TUBGCP3: variants seen among roughly 807,000 people sequenced by gnomAD.
TUBGCP3 encodes gamma-tubulin complex component 3.
In TUBGCP3, 50 loss-of-function variants were observed where a neutral mutation model predicts 123.1. That is an observed-to-expected ratio of 0.41 (90% CI 0.32 to 0.51). TUBGCP3 has a LOEUF of 0.51. Ranked by LOEUF, TUBGCP3 falls within the 20% of genes least tolerant of loss-of-function variation. TUBGCP3 has a pLI of 0.36. For synonymous variants in TUBGCP3, 405 were observed against 413.9 expected, an observed-to-expected ratio of 0.98 and a Z score of 0.26; for missense variants, 882 against 1,127.0, an observed-to-expected ratio of 0.78 and a Z score of 3.11.
intron 1 of TUBGCP3, 122 bp from the exon 2 acceptor site, chr13:112,569,381 A>C (rs1039527333): frequency 2.7e-6 from 2 of 738,628 alleles, no homozygotes; most frequent in African/African-American, 3.5e-5. Flanking sequence ...CCAAGGTCTT[A>C]ACTGAGAGGA....
In TUBGCP3 at chr13:112,511,018, C is replaced by T. The variant is rs1042394504; in HGVS notation, c.2086+5422G>A. On this transcript the variant is annotated intron_variant, in intron 17 of 21. Transcript: ENST00000261965. The surrounding 1 kb of genome is among the most constrained non-coding windows in gnomAD (Gnocchi z 4.1). ...GTTGATACACATTAAGGATACAAAA[C>T]ACAGGATACAAAAACACAGATAGAT... Among the ~76,000 whole-genome samples the T allele has an allele frequency of 1.3e-5, 2 of 152,186 alleles. No individual in the cohort carries two copies. The highest frequency in any genetic ancestry group is 2.9e-5 in the Non-Finnish European group (2 of 68,028).
intron 1 of TUBGCP3, among the ~76,000 whole-genome samples, chr13:112,570,209 T>C (rs527324912): frequency 6.6e-6 from 1 of 150,902 alleles, no homozygotes; most frequent in South Asian, 2.1e-4. Context: ...AACTCAGGGA[T>C]CCCCAGTCCT....
At chr13:112,522,837 T>A (rs1221990364) in intron 13 of TUBGCP3, among the ~76,000 whole-genome samples, 4 of 152,182 alleles carry the variant, frequency 2.6e-5, no homozygotes, top group Non-Finnish European at 1.5e-5. Context: ...GAGTCACCCG[T>A]CCATACCCAT....
At position 112,545,326 on chromosome 13, in the gene TUBGCP3, T is replaced by C. The variant is rs1878897814; in HGVS notation, c.1335+373A>G. 4.6e-6 allele frequency: 1 copy of C among 217,474 alleles called. No individual in the cohort carries two copies. Among genetic ancestry groups the C allele is most frequent in the South Asian group, 9.2e-5 (1 of 10,908 alleles). 13.5% of individuals were successfully genotyped at this position (217,474 alleles called of 1,614,324 possible). A position where few individuals can be genotyped will look rare whatever the true frequency, so the allele number is the denominator to read the frequency against. The stretch of plus-strand genomic sequence containing the variant: ...ACACAACTAACTTGTTTCATTAAGC[T>C]GTTAGCACCAAAGTGAGTTTGCAAA... On this transcript the variant is annotated intron_variant, in intron 11 of 21. Transcript: ENST00000261965. This position sits in a 1 kb window ranked among gnomAD's most constrained non-coding sequence, Gnocchi z 4.1.
intron 2 of TUBGCP3, among the ~76,000 whole-genome samples, chr13:112,566,768 C>T (rs954028279): frequency 1.1e-4 from 16 of 152,260 alleles, no homozygotes; most frequent in South Asian, 6.2e-4. Context: ...ATAGTATTTA[C>T]AAAATAAGTG....
intron 13 of TUBGCP3, among the ~76,000 whole-genome samples, chr13:112,525,533 T>C (rs969607058): frequency 5.3e-5 from 8 of 152,230 alleles, no homozygotes; most frequent in African/African-American, 1.9e-4. Context: ...AAAGTAAATC[T>C]TTTGAATGAA....
At position 112,519,424 on chromosome 13, in the gene TUBGCP3, A is replaced by C. The variant is rs1876428381; in HGVS notation, c.1882-381T>G. Among the ~76,000 whole-genome samples the C allele has an allele frequency of 6.6e-6, 1 of 152,222 alleles. No individual in the cohort carries two copies. The highest frequency in any genetic ancestry group is 1.5e-5 in the Non-Finnish European group (1 of 68,040). On this transcript the variant is annotated intron_variant, in intron 15 of 21. Transcript: ENST00000261965. The surrounding 1 kb of genome is among the most constrained non-coding windows in gnomAD (Gnocchi z 6.2). ...AATGATCTTCCATCACAACTAAGTA[A>C]ATAGTGGGTTTATGTTCATAATAAC...
Position 112,519,873 on chromosome 13 carries a change from A to C in TUBGCP3, c.1881+13T>G. On this transcript the variant is annotated intron_variant, in intron 15 of 21. Transcript: ENST00000261965. This position sits in a 1 kb window ranked among gnomAD's most constrained non-coding sequence, Gnocchi z 6.2. ...TGCCGGGGCGGCGTTCCCAACACGC[A>C]GAGCCGCAGTACCTCCAGCAGCCGC... is the stretch of plus-strand genomic sequence containing the variant. 6.2e-7 allele frequency: 1 copy of C among 1,610,152 alleles called. No homozygotes were observed. The highest frequency in any genetic ancestry group is 8.5e-7 in the Non-Finnish European group (1 of 1,177,338).
Position 112,508,659 on chromosome 13 carries a change from T to C in TUBGCP3, c.2087-3945A>G, listed in dbSNP as rs899598050. ...TTAAGTTTAAGATCAGTCTGATTAA[T>C]GGCCTCACAAGGTATCCTAAAAAAT... On this transcript the variant is annotated intron_variant, in intron 17 of 21. Coordinates refer to ENST00000261965, the MANE Select transcript of TUBGCP3 (RefSeq NM_006322.6). This position sits in a 1 kb window ranked among gnomAD's most constrained non-coding sequence, Gnocchi z 4.2. 3.3e-5 allele frequency among the ~76,000 whole-genome samples: 5 copies of C among 152,160 alleles called. No individual in the cohort carries two copies. The highest frequency in any genetic ancestry group is 7.3e-5 in the Non-Finnish European group (5 of 68,040).
intron 20 of TUBGCP3, among the ~76,000 whole-genome samples, chr13:112,495,026 T>C (rs1213421888): frequency 6.6e-6 from 1 of 152,240 alleles, no homozygotes; most frequent in Non-Finnish European, 1.5e-5. Context: ...GGCTGCCTCT[T>C]CACTTTGTTG....
chr13:112,547,821 T>A, intron 9 of TUBGCP3, 69 bp from the exon 10 acceptor site: 1 of 1,360,726 alleles, frequency 7.3e-7, no homozygotes, highest in Non-Finnish European at 9.6e-7. Context: ...TTAATCTATA[T>A]CAAGTGAACA....
At chr13:112,555,578 A>G (rs931149728) in intron 6 of TUBGCP3, among the ~76,000 whole-genome samples, 1 of 152,180 alleles carries the variant, frequency 6.6e-6, no homozygotes, top group Non-Finnish European at 1.5e-5. Flanking sequence ...TCATCTCACC[A>G]TTCAGTAATT....
At chr13:112,537,751 A>T (rs1878182666) in intron 11 of TUBGCP3, among the ~76,000 whole-genome samples, 1 of 152,230 alleles carries the variant, frequency 6.6e-6, no homozygotes, top group Admixed American at 6.5e-5. Flanking sequence ...CACTCACCAG[A>T]GAAGCCATCG....
intron 6 of TUBGCP3, 101 bp downstream of exon 6, chr13:112,555,950 TA>T: frequency 1.5e-6 from 2 of 1,316,288 alleles, no homozygotes; most frequent in Non-Finnish European, 2.1e-6. Flanking sequence ...AAGAAACCAC[TA>T]AAAGGTTTGA....
chr13:112,582,146 C>T (rs1345960705), intron 1 of TUBGCP3, among the ~76,000 whole-genome samples: 1 of 152,194 alleles, frequency 6.6e-6, no homozygotes. Context: ...AGTGAACCTG[C>T]AATCAAAGAA....
chr13:112,544,402 G>A (rs185304670), intron 11 of TUBGCP3, among the ~76,000 whole-genome samples: 198 of 140,460 alleles, frequency 1.4e-3, no homozygotes, highest in African/African-American at 5.0e-3. Flanking sequence ...GCAGTGAGCC[G>A]AGATTGAGCC....
intron 17 of TUBGCP3, among the ~76,000 whole-genome samples, chr13:112,512,737 A>T (rs1232212806): frequency 6.6e-6 from 1 of 152,176 alleles, no homozygotes; most frequent in Non-Finnish European, 1.5e-5. Flanking sequence ...TCCATCTCAA[A>T]AAAAAGGTAA....
In TUBGCP3 at chr13:112,522,697, A is replaced by G. The variant is rs183514966; in HGVS notation, c.1556-188T>C. On this transcript the variant is annotated intron_variant, in intron 13 of 21. Transcript: ENST00000261965. ...CAGAGCCCTAAGACCACACACATGA[A>G]AACAATTCTGCCAGCTGGGTTCACA... Among the ~76,000 whole-genome samples the G allele has an allele frequency of 7.7e-4, 117 of 152,304 alleles. 1 individual carries two copies. The highest frequency in any genetic ancestry group is 2.7e-3 in the African/African-American group (111 of 41,572).
the TUBGCP3 span, among the ~76,000 whole-genome samples, chr13:112,596,113 A>G: frequency 6.6e-6 from 1 of 152,202 alleles, no homozygotes; most frequent in Non-Finnish European, 1.5e-5. Context: ...CTCTACAAAC[A>G]TTGAGAACCA....
Sources: allele counts gnomAD v4.1 joint callset (sites outside exome capture counted in the v4.1 genomes callset), GRCh38; gene constraint gnomAD v4.1.1; non-coding constraint Gnocchi (gnomAD v3.1); transcripts MANE v1.5; gene names NCBI Gene and HGNC (gene_info 2026-07-23, HGNC 2026-07-21).